Variants in COL25A1 observed in about 807,000 individuals in gnomAD.
COL25A1 encodes collagen alpha-1(XXV) chain.
A neutral mutation model predicts 128.4 loss-of-function variants in COL25A1; 103 were observed. The observed-to-expected ratio is 0.80, with a 90% CI of 0.68 to 0.94. COL25A1 has a LOEUF of 0.94. Ranked by LOEUF, COL25A1 falls within the 40% of genes least tolerant of loss-of-function variation. COL25A1 has a pLI of 0.00. For synonymous variants in COL25A1, 279 were observed against 277.2 expected, an observed-to-expected ratio of 1.01 and a Z score of -0.06; for missense variants, 745 against 840.0, an observed-to-expected ratio of 0.89 and a Z score of 1.40.
chr4:108,887,025 C>T (rs1250891972), intron 18 of COL25A1, among the ~76,000 whole-genome samples: 1 of 151,856 alleles, frequency 6.6e-6, no homozygotes, highest in Non-Finnish European at 1.5e-5. Context: ...TGATGAAACA[C>T]AATACTTATT....
intron 37 of COL25A1, among the ~76,000 whole-genome samples, chr4:108,817,119 T>G (rs1731319400): frequency 6.6e-6 from 1 of 152,102 alleles, no homozygotes; most frequent in Admixed American, 6.6e-5. Context: ...AGACAAAGAT[T>G]TTGAGAGACA....
chr4:108,832,978 A>AATAAATAAATAC (rs1553944800), intron 31 of COL25A1, among the ~76,000 whole-genome samples: 6 of 150,956 alleles, frequency 4.0e-5, no homozygotes, highest in African/African-American at 1.2e-4. Context: ...AAAAATAATA[A>AATAAATAAATAC]ATAAATAAAT....
At chr4:109,180,328 T>C (rs996986773) in intron 3 of COL25A1, among the ~76,000 whole-genome samples, 2 of 152,164 alleles carry the variant, frequency 1.3e-5, no homozygotes, top group African/African-American at 4.8e-5. Flanking sequence ...TGCATAAAAA[T>C]TCAGGTTTTT....
At chr4:108,860,996 AC>A (rs771062644) in intron 22 of COL25A1, 25 bp from the exon 23 acceptor site, 342 of 1,608,604 alleles carry the variant, frequency 2.1e-4, no homozygotes, top group Non-Finnish European at 2.8e-4. Context: ...AAGAGAAAAA[AC>A]TTAATCAGAA....
At chr4:109,024,396 C>G (rs996544062) in intron 5 of COL25A1, among the ~76,000 whole-genome samples, 2 of 151,402 alleles carry the variant, frequency 1.3e-5, no homozygotes, top group African/African-American at 4.9e-5. Flanking sequence ...CTGTAGTATA[C>G]AAAATACAGA....
chr4:108,844,918 C>G (rs182456257), intron 29 of COL25A1, among the ~76,000 whole-genome samples: 200 of 152,296 alleles, frequency 1.3e-3, no homozygotes, highest in African/African-American at 4.6e-3. Flanking sequence ...TCTATATTCA[C>G]AAAGATCTAC....
intron 6 of COL25A1, among the ~76,000 whole-genome samples, chr4:109,001,595 C>T (rs1306694296): frequency 2.0e-5 from 3 of 152,150 alleles, no homozygotes; most frequent in Non-Finnish European, 4.4e-5. Context: ...GACTTAGTTC[C>T]AGAACAAGGG....
At chr4:109,047,407 C>T (rs1760532835) in intron 5 of COL25A1, among the ~76,000 whole-genome samples, 1 of 151,822 alleles carries the variant, frequency 6.6e-6, no homozygotes, top group Non-Finnish European at 1.5e-5. Flanking sequence ...TGTTCTCACT[C>T]ATAAGTGGGA....
intron 3 of COL25A1, among the ~76,000 whole-genome samples, chr4:109,254,487 A>G (rs966627900): frequency 9.9e-6 from 1 of 100,972 alleles, no homozygotes; most frequent in Non-Finnish European, 1.7e-5. Flanking sequence ...ATATATATAT[A>G]TATATATATA....
At chr4:109,225,118 C>T (rs906250093) in intron 3 of COL25A1, among the ~76,000 whole-genome samples, 12 of 152,178 alleles carry the variant, frequency 7.9e-5, no homozygotes, top group African/African-American at 2.9e-4. Flanking sequence ...GAGCACTCAG[C>T]TCTCATGAGG....
intron 3 of COL25A1, among the ~76,000 whole-genome samples, chr4:109,202,791 A>C (rs1340620805): frequency 6.6e-6 from 1 of 152,162 alleles, no homozygotes; most frequent in Non-Finnish European, 1.5e-5. Flanking sequence ...GTGTATACCT[A>C]TATCTATAGA....
intron 6 of COL25A1, among the ~76,000 whole-genome samples, chr4:109,004,575 G>C (rs1376300337): frequency 6.6e-6 from 1 of 152,096 alleles, no homozygotes; most frequent in Non-Finnish European, 1.5e-5. Flanking sequence ...TGGATCATGG[G>C]GGTGGATTTC....
At chr4:109,096,564 G>T (rs1027070877) in intron 3 of COL25A1, among the ~76,000 whole-genome samples, 1 of 128,900 alleles carries the variant, frequency 7.8e-6, no homozygotes, top group Admixed American at 8.1e-5. Context: ...AATCCACTCT[G>T]TCATGTCCAC....
chr4:108,943,098 C>G (rs1224522991), intron 8 of COL25A1, among the ~76,000 whole-genome samples: 8 of 152,146 alleles, frequency 5.3e-5, no homozygotes, highest in Non-Finnish European at 1.0e-4. Flanking sequence ...AAACTGAGAG[C>G]TCATTGTCAC....
intron 8 of COL25A1, among the ~76,000 whole-genome samples, chr4:108,972,150 T>A (rs778101659): frequency 3.3e-5 from 5 of 152,122 alleles, no homozygotes; most frequent in Non-Finnish European, 4.4e-5. Context: ...GCTGACATGA[T>A]GGAGTTTGGA....
In COL25A1 at chr4:109,123,349, AC is replaced by A. The variant is rs549089694; in HGVS notation, c.368-73171del. ...TTTTTCCTTTAAATATAATCTATAA[AC>A]TTTTGCTTACTGAAACAAAATCATA... On this transcript the variant is annotated intron_variant, in intron 3 of 37. Coordinates refer to ENST00000399132, the MANE Select transcript of COL25A1 (RefSeq NM_198721.4). Among the ~76,000 whole-genome samples the A allele has an allele frequency of 1.0e-3, 157 of 152,154 alleles. 1 individual carries two copies. The highest frequency in any genetic ancestry group is 3.4e-3 in the Middle Eastern group (1 of 294).
intron 34 of COL25A1, among the ~76,000 whole-genome samples, chr4:108,824,970 C>G (rs965893477): frequency 2.6e-5 from 4 of 152,112 alleles, no homozygotes; most frequent in Non-Finnish European, 5.9e-5. Flanking sequence ...TGCCACTATC[C>G]ACTACCAGTT....
At chr4:108,960,691 G>A (rs926310441) in intron 8 of COL25A1, among the ~76,000 whole-genome samples, 13 of 152,072 alleles carry the variant, frequency 8.5e-5, no homozygotes, top group Admixed American at 4.6e-4. Context: ...CAACCACTAC[G>A]AAATAGAAAG....
intron 8 of COL25A1, among the ~76,000 whole-genome samples, chr4:108,949,517 C>A (rs1201676110): frequency 6.6e-6 from 1 of 151,494 alleles, no homozygotes; most frequent in African/African-American, 2.4e-5. Flanking sequence ...TCTTAACCAG[C>A]ATATTTTCCA....
Sources: allele counts gnomAD v4.1 joint callset (sites outside exome capture counted in the v4.1 genomes callset), GRCh38; gene constraint gnomAD v4.1.1; transcripts MANE v1.5; gene names NCBI Gene and HGNC (gene_info 2026-07-23, HGNC 2026-07-21).